Variants in WNT3A observed in about 807,000 individuals in gnomAD.
The protein encoded by WNT3A is protein Wnt-3a.
In WNT3A, 17 loss-of-function variants were observed where a neutral mutation model predicts 37.0. The observed-to-expected ratio is 0.46, with a 90% CI of 0.31 to 0.69. The LOEUF (loss-of-function observed/expected upper bound fraction) is 0.69. WNT3A is among the 30% of genes least tolerant of loss of function. The pLI, the probability that WNT3A is intolerant of heterozygous loss-of-function variation, is 0.05. For missense variants in WNT3A, 411 were observed against 510.2 expected (o/e 0.81, Z 1.87); for synonymous variants, 187 against 211.0 (o/e 0.89, Z 0.99).
In WNT3A at chr1:228,059,117, C is replaced by T. The variant is rs984671880; in HGVS notation, c.711C>T (p.Ser237=). ...IGDFLKDKYD[S]ASEMVVEKHR... Reference sequence around the variant, plus strand: ...ACTTCCTCAAGGACAAGTACGACAGCGCCTCGGAGATGGTGGTGGAGAAGC... The same window carrying T: ...ACTTCCTCAAGGACAAGTACGACAGTGCCTCGGAGATGGTGGTGGAGAAGC... Residue 237 remains serine, a synonymous_variant, in exon 4 of 4, where the codon AGC becomes AGT. Transcript: ENST00000284523. The T allele has an allele frequency of 6.2e-7, 1 of 1,613,654 alleles. No homozygotes were observed. Among genetic ancestry groups the T allele is most frequent in the Non-Finnish European group, 8.5e-7 (1 of 1,180,004 alleles).
At chr1:228,053,148 T>C (rs1269439689) in intron 3 of WNT3A, among the ~76,000 whole-genome samples, 1 of 152,306 alleles carries the variant, frequency 6.6e-6, no homozygotes, top group East Asian at 1.9e-4. Context: ...TGGAAGCAGA[T>C]AAACCAAGCC....
chr1:228,056,756 C>T (rs1004705343), intron 3 of WNT3A, among the ~76,000 whole-genome samples: 2 of 152,190 alleles, frequency 1.3e-5, no homozygotes, highest in African/African-American at 4.8e-5. Flanking sequence ...GCCTACTGCA[C>T]AGAACAGCCC....
At chr1:228,018,391 T>A (rs972377384) in intron 1 of WNT3A, among the ~76,000 whole-genome samples, 1 of 141,880 alleles carries the variant, frequency 7.0e-6, no homozygotes, top group African/African-American at 2.7e-5. Context: ...GTGGGGATAG[T>A]GCCTGTGCAA....
chr1:228,049,921 G>T (rs2031505119), intron 2 of WNT3A, among the ~76,000 whole-genome samples: 1 of 151,230 alleles, frequency 6.6e-6, no homozygotes, highest in Non-Finnish European at 1.5e-5. Context: ...GGGACTACAT[G>T]CACACACCAC....
intron 1 of WNT3A, among the ~76,000 whole-genome samples, chr1:228,020,427 C>A (rs1207089939): frequency 6.6e-6 from 1 of 152,240 alleles, no homozygotes; most frequent in East Asian, 1.9e-4. Flanking sequence ...GCCTCTCACC[C>A]ACAGTCCAGG....
At chr1:228,030,625 T>C (rs976647192) in intron 2 of WNT3A, among the ~76,000 whole-genome samples, 5 of 152,160 alleles carry the variant, frequency 3.3e-5, no homozygotes, top group Non-Finnish European at 7.4e-5. Context: ...GGTGTTTTTT[T>C]AGAGCAGCCC....
At chr1:228,057,563 G>C (rs1175626103) in intron 3 of WNT3A, among the ~76,000 whole-genome samples, 1 of 152,124 alleles carries the variant, frequency 6.6e-6, no homozygotes, top group African/African-American at 2.4e-5. Context: ...GGCAGGGCGA[G>C]GGATATGTTA....
chr1:228,007,093 G>A lies in WNT3A; in HGVS notation c.-36G>A. 1 of 1,510,366 alleles carries A rather than the reference G, an allele frequency of 6.6e-7. No homozygotes were observed. The highest frequency in any genetic ancestry group is 2.9e-5 in the East Asian group (1 of 34,928). The allele number at this position is 1,510,366 out of a possible 1,614,324, so 93.6% of individuals were successfully genotyped here. A position where few individuals can be genotyped will look rare whatever the true frequency, so the allele number is the denominator to read the frequency against. Reference sequence around the variant, plus strand: ...CCCCCCCGGCGCTCACGCTCTCGGGGCGGACTCCCGGCCCTCCGCGCCCTC... The same window carrying A: ...CCCCCCCGGCGCTCACGCTCTCGGGACGGACTCCCGGCCCTCCGCGCCCTC... On this transcript the variant is annotated 5_prime_UTR_variant, in exon 1 of 4. Coordinates refer to ENST00000284523, the MANE Select transcript of WNT3A (RefSeq NM_033131.4). The surrounding 1 kb of genome is among the most constrained non-coding windows in gnomAD (Gnocchi z 6.0).
intron 1 of WNT3A, among the ~76,000 whole-genome samples, chr1:228,012,384 G>T (rs2030398849): frequency 6.6e-6 from 1 of 152,242 alleles, no homozygotes; most frequent in African/African-American, 2.4e-5. Context: ...AAAGGATTTG[G>T]TGACATTGTA....
At chr1:228,045,784 G>C (rs956462746) in intron 2 of WNT3A, among the ~76,000 whole-genome samples, 6 of 152,170 alleles carry the variant, frequency 3.9e-5, no homozygotes, top group African/African-American at 1.4e-4. Context: ...GATGGGCCTG[G>C]GTGCCTTAGA....
At chr1:228,046,690 T>G (rs1558293277) in intron 2 of WNT3A, among the ~76,000 whole-genome samples, 1 of 151,012 alleles carries the variant, frequency 6.6e-6, no homozygotes, top group Non-Finnish European at 1.5e-5. Context: ...TGAGTGCATG[T>G]GTATGCTGTG....
chr1:228,030,505 C>T (rs535077125), intron 2 of WNT3A, among the ~76,000 whole-genome samples: 2 of 152,328 alleles, frequency 1.3e-5, no homozygotes, highest in East Asian at 3.9e-4. Flanking sequence ...AAAAAGAGGT[C>T]TGACCCAGTG....
intron 2 of WNT3A, among the ~76,000 whole-genome samples, chr1:228,041,589 A>G (rs986059785): frequency 9.9e-5 from 15 of 151,718 alleles, no homozygotes; most frequent in African/African-American, 2.9e-4. Flanking sequence ...TCTATCCACC[A>G]TCCCTCAATC....
At chr1:228,049,953 T>G (rs1444792902) in intron 2 of WNT3A, among the ~76,000 whole-genome samples, 1 of 151,732 alleles carries the variant, frequency 6.6e-6, no homozygotes, top group Non-Finnish European at 1.5e-5. Flanking sequence ...AATTTTAACA[T>G]TTTTTTGTAG....
intron 1 of WNT3A, among the ~76,000 whole-genome samples, chr1:228,021,334 T>G (rs933696645): frequency 6.6e-6 from 1 of 152,236 alleles, no homozygotes; most frequent in Non-Finnish European, 1.5e-5. Context: ...GAATGCCTTT[T>G]GCCAAAAGCA....
At chr1:228,056,056 G>A (rs1336701375) in intron 3 of WNT3A, among the ~76,000 whole-genome samples, 2 of 152,174 alleles carry the variant, frequency 1.3e-5, no homozygotes, top group Non-Finnish European at 2.9e-5. Context: ...TTCTGCTCTG[G>A]GGACTCTGAC....
chr1:228,009,146 C>A (rs1358433645), intron 1 of WNT3A, among the ~76,000 whole-genome samples: 2 of 152,086 alleles, frequency 1.3e-5, no homozygotes, highest in African/African-American at 4.8e-5. Context: ...GTAGGGTTCT[C>A]ACACTTGGGG....
chr1:228,055,219 T>TACAC (rs1553311030), intron 3 of WNT3A, among the ~76,000 whole-genome samples: 8 of 98,482 alleles, frequency 8.1e-5, no homozygotes, highest in African/African-American at 3.7e-4. Context: ...TATATATATA[T>TACAC]ACACACACAC....
At chr1:228,034,467 G>T (rs1261002670) in intron 2 of WNT3A, among the ~76,000 whole-genome samples, 1 of 151,736 alleles carries the variant, frequency 6.6e-6, no homozygotes, top group Admixed American at 6.6e-5. Context: ...TTCCTTAATT[G>T]CCCTGGCCAG....
Sources: allele counts gnomAD v4.1 joint callset (sites outside exome capture counted in the v4.1 genomes callset), GRCh38; gene constraint gnomAD v4.1.1; non-coding constraint Gnocchi (gnomAD v3.1); transcripts MANE v1.5; gene names NCBI Gene and HGNC (gene_info 2026-07-23, HGNC 2026-07-21).